FAR1: variants seen among roughly 807,000 people sequenced by gnomAD.
The protein encoded by FAR1 is male sterility domain-containing protein 2.
Under a neutral mutation model 61.1 loss-of-function variants are expected in FAR1, and 22 were observed. That is an observed-to-expected ratio of 0.36 (90% confidence interval 0.26 to 0.51). The LOEUF is 0.51. Among genes scored for constraint, FAR1 ranks in the 20% least tolerant of loss-of-function variants. The probability of loss-of-function intolerance (pLI) is 0.95; values close to 1 mark genes in which losing one functional copy is unlikely to be tolerated. For missense variants in FAR1, 359 were observed against 626.9 expected, an observed-to-expected ratio of 0.57 and a Z score of 4.56; for synonymous variants, 206 against 209.7, an observed-to-expected ratio of 0.98 and a Z score of 0.15.
chr11:13,722,843 C>CTCTCTCT (rs1848625634), intron 10 of FAR1, among the ~76,000 whole-genome samples: 1 of 143,086 alleles, frequency 7.0e-6, no homozygotes, highest in Non-Finnish European at 1.5e-5. Context: ...TAGATTTCTC[C>CTCTCTCT]CTCTCTCTCT....
chr11:13,689,873 C>CTTTTTTT (rs71041539), intron 1 of FAR1, among the ~76,000 whole-genome samples: 13 of 118,490 alleles, frequency 1.1e-4, no homozygotes, highest in African/African-American at 2.5e-4. Context: ...TCATTTCGAT[C>CTTTTTTT]TTTTTTTTTT....
chr11:13,727,833 A>G (rs1016344883), intron 11 of FAR1, 150 bp downstream of exon 11: 1 of 726,934 alleles, frequency 1.4e-6, no homozygotes, highest in Non-Finnish European at 2.1e-6. Flanking sequence ...GTGCTTTTTA[A>G]TGTGATTTTT....
rs1331986763 is a variant in FAR1, at chr11:13,727,436, G to C, written c.1258-120G>C. The C allele has an allele frequency of 2.1e-5, 17 of 803,978 alleles. No individual in the cohort carries two copies. The East Asian group carries it at 4.9e-4, about 23-fold the overall frequency. The allele number at this position is 803,978 out of a possible 1,614,324, so 49.8% of individuals were successfully genotyped here. On this transcript the variant is annotated intron_variant, in intron 10 of 11. Coordinates refer to ENST00000354817, the MANE Select transcript of FAR1 (RefSeq NM_032228.6). ...CGGTAAGATTTCAGAAGTTAATTCT[G>C]TATTTAAGAATTTTGTAATTATGTC...
At chr11:13,727,485 A>G (rs1848678857) in intron 10 of FAR1, 71 bp from the exon 11 acceptor site, 11 of 1,412,058 alleles carry the variant, frequency 7.8e-6, no homozygotes, top group Non-Finnish European at 1.1e-5. Flanking sequence ...CTTTAGAAAA[A>G]GTGTGAATTT....
chr11:13,672,707 A>C (rs551716888), intron 1 of FAR1, among the ~76,000 whole-genome samples: 2 of 152,328 alleles, frequency 1.3e-5, no homozygotes, highest in African/African-American at 4.8e-5. Context: ...CCACCTTGGT[A>C]GGTGTGTTCC....
At chr11:13,675,844 T>C (rs1848062177) in intron 1 of FAR1, among the ~76,000 whole-genome samples, 1 of 152,218 alleles carries the variant, frequency 6.6e-6, no homozygotes, top group African/African-American at 2.4e-5. Context: ...GCATAATTCA[T>C]GAGAAATCCT....
chr11:13,673,026 A>G (rs1026478442), intron 1 of FAR1, among the ~76,000 whole-genome samples: 1 of 152,236 alleles, frequency 6.6e-6, no homozygotes, highest in Non-Finnish European at 1.5e-5. Context: ...GTTTCAGTTC[A>G]GTAAGACAAA....
At chr11:13,702,480 G>T (rs555296329) in intron 3 of FAR1, among the ~76,000 whole-genome samples, 1 of 152,210 alleles carries the variant, frequency 6.6e-6, no homozygotes, top group South Asian at 2.1e-4. Context: ...ATTTTGTTGT[G>T]TGTGTATATT....
At chr11:13,678,357 T>G (rs1848089775) in intron 1 of FAR1, among the ~76,000 whole-genome samples, 1 of 152,144 alleles carries the variant, frequency 6.6e-6, no homozygotes. Flanking sequence ...CTCCGCCTCC[T>G]GGGTTCATGC....
intron 1 of FAR1, among the ~76,000 whole-genome samples, chr11:13,688,070 G>A (rs1196683811): frequency 6.6e-6 from 1 of 151,524 alleles, no homozygotes; most frequent in Non-Finnish European, 1.5e-5. Flanking sequence ...TGCACATTGT[G>A]CACATATACC....
chr11:13,675,927 C>T (rs542961015), intron 1 of FAR1, among the ~76,000 whole-genome samples: 2 of 152,096 alleles, frequency 1.3e-5, no homozygotes, highest in Non-Finnish European at 2.9e-5. Flanking sequence ...AGTATATTCC[C>T]TAATGCAGAA....
At chr11:13,705,598 A>G (rs529956718) in intron 3 of FAR1, among the ~76,000 whole-genome samples, 9 of 152,194 alleles carry the variant, frequency 5.9e-5, no homozygotes, top group African/African-American at 1.9e-4. Context: ...CTTATAGTCT[A>G]GTGGACAGTA....
chr11:13,727,985 G>A (rs1487406406), intron 11 of FAR1, among the ~76,000 whole-genome samples: 2 of 151,796 alleles, frequency 1.3e-5, no homozygotes, highest in African/African-American at 4.8e-5. Flanking sequence ...GTATTGAGTG[G>A]CAAAGCAAAC....
At chr11:13,702,184 G>A (rs1260015739) in intron 3 of FAR1, among the ~76,000 whole-genome samples, 3 of 152,128 alleles carry the variant, frequency 2.0e-5, no homozygotes, top group East Asian at 3.9e-4. Context: ...ATGTTATTAG[G>A]ACTATAATAT....
At chr11:13,692,474 A>C (rs1848260721) in intron 1 of FAR1, among the ~76,000 whole-genome samples, 1 of 152,182 alleles carries the variant, frequency 6.6e-6, no homozygotes, top group Admixed American at 6.5e-5. Context: ...TTTCCACAGC[A>C]GCTGAGCTAT....
At chr11:13,676,591 GT>G (rs1397878093) in intron 1 of FAR1, among the ~76,000 whole-genome samples, 1 of 152,152 alleles carries the variant, frequency 6.6e-6, no homozygotes, top group Non-Finnish European at 1.5e-5. Flanking sequence ...AGTTCACTTA[GT>G]TTGAGGAATG....
chr11:13,672,524 G>C (rs1247923548), intron 1 of FAR1, among the ~76,000 whole-genome samples: 1 of 145,288 alleles, frequency 6.9e-6, no homozygotes, highest in Non-Finnish European at 1.5e-5. Context: ...CAGCCTAAGT[G>C]ACAAAGTGAG....
At position 13,721,465 on chromosome 11, in the gene FAR1, A is replaced by G. The variant is rs1848608195; in HGVS notation, c.1128-265A>G. On this transcript the variant is annotated intron_variant, in intron 9 of 11. Coordinates refer to ENST00000354817, the MANE Select transcript of FAR1 (RefSeq NM_032228.6). This position sits in a 1 kb window ranked among gnomAD's most constrained non-coding sequence, Gnocchi z 4.2. ...TATACCCTTTGAGAATTAATTCTGT[A>G]TATCAGCAGAACTCTGTTTAGGTGG... 1 of 290,942 alleles carries G rather than the reference A, an allele frequency of 3.4e-6. No homozygotes were observed. Among genetic ancestry groups the G allele is most frequent in the Non-Finnish European group, 6.3e-6 (1 of 157,678 alleles). 18.0% of individuals were successfully genotyped at this position (290,942 alleles called of 1,614,324 possible). A position where few individuals can be genotyped will look rare whatever the true frequency, so the allele number is the denominator to read the frequency against.
intron 8 of FAR1, among the ~76,000 whole-genome samples, chr11:13,713,572 A>G (rs1202917196): frequency 6.6e-6 from 1 of 152,176 alleles, no homozygotes; most frequent in African/African-American, 2.4e-5. Context: ...TTAAATAGGA[A>G]TAGTTAAAAC....
Sources: gnomAD v4.1 joint callset for allele counts (sites outside exome capture counted in the v4.1 genomes callset) on GRCh38, gnomAD v4.1.1 for gene constraint, Gnocchi (gnomAD v3.1) non-coding constraint, MANE v1.5 for transcripts, NCBI Gene and HGNC (gene_info 2026-07-23, HGNC 2026-07-21) for gene names.